Variants in EXOC2 observed in about 807,000 individuals in gnomAD.
The protein encoded by EXOC2 is SEC5-like 1.
Under a neutral mutation model 131.8 loss-of-function variants are expected in EXOC2, and 70 were observed. That is an observed-to-expected ratio of 0.53 (90% CI 0.44 to 0.65). The LOEUF is 0.65. EXOC2 is among the 30% of genes least tolerant of loss of function. EXOC2 has a pLI of 0.00. For synonymous variants in EXOC2, 411 were observed against 398.4 expected (o/e 1.03, Z -0.38); for missense variants, 923 against 1,108.6 (o/e 0.83, Z 2.38).
chr6:504,325 C>G (rs1764401981), intron 23 of EXOC2, among the ~76,000 whole-genome samples: 1 of 152,224 alleles, frequency 6.6e-6, no homozygotes, highest in African/African-American at 2.4e-5. Flanking sequence ...CCGTGTGCAT[C>G]CGTTATGGAA....
chr6:507,379 CAG>C (rs1369617476), intron 23 of EXOC2, among the ~76,000 whole-genome samples: 1 of 146,682 alleles, frequency 6.8e-6, no homozygotes, highest in Non-Finnish European at 1.5e-5. Context: ...CACACACACA[CAG>C]AGTGCTCCTG....
rs1323887333 is a variant in EXOC2 at position 501,629 on chromosome 6, C to CTA, written c.2381-1931_2381-1930dup. Among the ~76,000 whole-genome samples, 162 of 59,838 alleles carry CTA rather than the reference C, an allele frequency of 2.7e-3. 17 individuals are homozygous for CTA. The highest frequency in any genetic ancestry group is 8.1e-3 in the African/African-American group (134 of 16,560). The allele number at this position is 59,838 out of a possible 152,430, so 39.3% of individuals were successfully genotyped here. A position where few individuals can be genotyped will look rare whatever the true frequency, so the allele number is the denominator to read the frequency against. On this transcript the variant is annotated intron_variant, in intron 23 of 27. Transcript: ENST00000230449. ...TATTATATATCTATATATTATATAT[C>CTA]TATATATATCGATATATATAGATAG...
rs1764008437 is a variant in EXOC2, at chr6:500,903, C to A, written c.2381-1203G>T. Among the ~76,000 whole-genome samples, 7 of 151,118 alleles carry A rather than the reference C, an allele frequency of 4.6e-5. No homozygotes were observed. In the Admixed American group the frequency reaches 4.6e-4, roughly 10 times the overall value. Reference sequence around the variant, plus strand: ...CCTTTTGAACGGGCATTTGCATATTCCAAATATAGAACTAGGTTTTGATTG... The same window carrying A: ...CCTTTTGAACGGGCATTTGCATATTACAAATATAGAACTAGGTTTTGATTG... On this transcript the variant is annotated intron_variant, in intron 23 of 27. Transcript: ENST00000230449.
At position 632,927 on chromosome 6, in the gene EXOC2, A is replaced by G. The variant is rs758284744; in HGVS notation, c.295+14T>C. The G allele has an allele frequency of 4.2e-5, 68 of 1,600,318 alleles. No homozygotes were observed. The highest frequency in any genetic ancestry group is 3.4e-4 in the Middle Eastern group (2 of 5,918). On this transcript the variant is annotated intron_variant, in intron 3 of 27. Transcript: ENST00000230449. The stretch of plus-strand genomic sequence containing the variant: ...TTACTTTCTTCTTTAGAATAAACCC[A>G]TGAAAGACTTTACCTATTTTCTCAG...
intron 11 of EXOC2, among the ~76,000 whole-genome samples, chr6:590,258 A>C (rs1219764345): frequency 6.6e-6 from 1 of 152,216 alleles, no homozygotes; most frequent in Non-Finnish European, 1.5e-5. Flanking sequence ...CAAAGACTGC[A>C]GACTGTGTGT....
In EXOC2 at chr6:637,691, C is replaced by A; in HGVS notation, c.118+10G>T. On this transcript the variant is annotated intron_variant, in intron 2 of 27. Coordinates refer to ENST00000230449, the MANE Select transcript of EXOC2 (RefSeq NM_018303.6). ...ATTAGCAGGGTGCGTCGCAGGGCCT[C>A]TGCCCTTACCTATGAGGTCGGTGGG... 1 of 1,604,474 alleles carries A rather than the reference C, an allele frequency of 6.2e-7. No homozygotes were observed. Among genetic ancestry groups the A allele is most frequent in the Non-Finnish European group, 8.5e-7 (1 of 1,175,596 alleles).
At chr6:540,470 C>T (rs1766745433) in intron 22 of EXOC2, among the ~76,000 whole-genome samples, 1 of 152,114 alleles carries the variant, frequency 6.6e-6, no homozygotes, top group South Asian at 2.1e-4. Flanking sequence ...TAATAATTTC[C>T]CCTTACTTAG....
At chr6:678,750 A>G (rs187008845) in intron 1 of EXOC2, among the ~76,000 whole-genome samples, 2 of 152,324 alleles carry the variant, frequency 1.3e-5, no homozygotes, top group East Asian at 3.9e-4. Context: ...ACTGCACTAC[A>G]TAACACGGTG....
Position 630,037 on chromosome 6 carries a change from AC to A in EXOC2, c.296-77del, listed in dbSNP as rs1761767200. 6.5e-6 allele frequency: 10 copies of A among 1,538,354 alleles called. No individual in the cohort carries two copies. The South Asian group carries it at 1.3e-4, about 19-fold the overall frequency. On this transcript the variant is annotated intron_variant, in intron 3 of 27. Transcript: ENST00000230449. ...CCTTCTACGTCTGGCCTATTGTCTGACTTCTTAAAGACCTAATACAAAATGC... is the reference window on the plus strand; with the variant it reads ...CCTTCTACGTCTGGCCTATTGTCTGATTCTTAAAGACCTAATACAAAATGC...
rs796501907 is a variant in EXOC2, at chr6:632,859, A to G, written c.295+82T>C. ...TGAGATATGCAAGTAGGTAGGTTTT[A>G]CACGAATCTACCAGCTTTACAGCTT... On this transcript the variant is annotated intron_variant, in intron 3 of 27. Coordinates refer to ENST00000230449, the MANE Select transcript of EXOC2 (RefSeq NM_018303.6). 10 of 1,367,650 alleles carry G rather than the reference A, an allele frequency of 7.3e-6. No individual in the cohort carries two copies. In the African/African-American group the frequency reaches 1.3e-4, roughly 18 times the overall value. 84.7% of individuals were successfully genotyped at this position (1,367,650 alleles called of 1,614,324 possible).
rs80190474 is a variant in EXOC2 at position 518,654 on chromosome 6, G to A, written c.2380+13815C>T. 5.6e-3 allele frequency among the ~76,000 whole-genome samples: 858 copies of A among 152,212 alleles called. 3 individuals carry two copies. The highest frequency in any genetic ancestry group is 7.5e-3 in the Non-Finnish European group (509 of 68,006). The stretch of plus-strand genomic sequence containing the variant: ...CTATAACCAAATGCCTAAAGCATTG[G>A]ACAAATGGTTTTACAGCACTGACTC... On this transcript the variant is annotated intron_variant, in intron 23 of 27. Transcript: ENST00000230449.
intron 1 of EXOC2, among the ~76,000 whole-genome samples, chr6:644,714 GAAAAT>G (rs1762501636): frequency 1.3e-5 from 2 of 151,930 alleles, no homozygotes; most frequent in South Asian, 4.1e-4. Flanking sequence ...GAAATGATTA[GAAAAT>G]AAAATTTTTT....
rs572673026 is a variant in EXOC2, at chr6:543,574, C to T, written c.2238+5601G>A. 2.0e-5 allele frequency among the ~76,000 whole-genome samples: 3 copies of T among 152,240 alleles called. No homozygotes were observed. In the East Asian group the frequency reaches 5.8e-4, roughly 29 times the overall value. ...GTTAAAAGATTTTTAATGTCCTCAA[C>T]AAAGGTAAGTTGGTGAGGTGATGAA... On this transcript the variant is annotated intron_variant, in intron 22 of 27. Coordinates refer to ENST00000230449, the MANE Select transcript of EXOC2 (RefSeq NM_018303.6).
At chr6:604,720 C>T (rs758456644) in intron 7 of EXOC2, among the ~76,000 whole-genome samples, 2 of 147,448 alleles carry the variant, frequency 1.4e-5, no homozygotes, top group African/African-American at 2.6e-5. Context: ...GCTGGCCCTG[C>T]GGGGACACAC....
intron 1 of EXOC2, among the ~76,000 whole-genome samples, chr6:652,144 T>C (rs1762863693): frequency 6.6e-6 from 1 of 151,984 alleles, no homozygotes; most frequent in African/African-American, 2.4e-5. Context: ...TCAGAAGATA[T>C]GAAGTAAATA....
At chr6:634,504 A>T (rs1762006779) in intron 2 of EXOC2, among the ~76,000 whole-genome samples, 1 of 152,200 alleles carries the variant, frequency 6.6e-6, no homozygotes, top group African/African-American at 2.4e-5. Flanking sequence ...CCTAATGCCA[A>T]ATCTGACTTT....
At chr6:510,653 G>GAA (rs1236234710) in intron 23 of EXOC2, among the ~76,000 whole-genome samples, 191 of 152,314 alleles carry the variant, frequency 1.3e-3, no homozygotes, top group African/African-American at 4.3e-3. Flanking sequence ...AAAGTCTGAT[G>GAA]TGTAGAACAG....
intron 1 of EXOC2, chr6:679,641 A>T (rs1205034745): frequency 6.6e-6 from 1 of 152,242 alleles, no homozygotes; most frequent in Non-Finnish European, 1.5e-5. Context: ...TTAGGCATGA[A>T]GATTCCCATA....
chr6:677,934 T>TCTCATACACA (rs111239666), intron 1 of EXOC2, among the ~76,000 whole-genome samples: 1 of 147,204 alleles, frequency 6.8e-6, no homozygotes, highest in East Asian at 2.0e-4. Context: ...TTATAATCTC[T>TCTCATACACA]CACACACACA....
Sources: allele counts gnomAD v4.1 joint callset (sites outside exome capture counted in the v4.1 genomes callset), GRCh38; gene constraint gnomAD v4.1.1; transcripts MANE v1.5; gene names NCBI Gene and HGNC (gene_info 2026-07-23, HGNC 2026-07-21).